PLEC: variants seen among roughly 807,000 people sequenced by gnomAD.
PLEC encodes hemidesmosomal protein 1.
Under a neutral mutation model 392.8 loss-of-function variants are expected in PLEC, and 216 were observed. The ratio of observed to expected loss-of-function variants is 0.55; its 90% CI spans 0.49 to 0.62. PLEC has a LOEUF of 0.62. Ranked by LOEUF, PLEC falls within the 20% of genes least tolerant of loss-of-function variation. The probability of loss-of-function intolerance (pLI) is 0.00; values close to 1 mark genes in which losing one functional copy is unlikely to be tolerated. For synonymous variants in PLEC, 3,621 were observed against 2,980.6 expected, an observed-to-expected ratio of 1.21 and a Z score of -7.00; for missense variants, 6,863 against 6,563.4, an observed-to-expected ratio of 1.05 and a Z score of -1.58.
In PLEC at chr8:143,919,837, A is replaced by G. The variant is rs373874723; in HGVS notation, c.9984T>C (p.Phe3328=). 40 of 1,613,120 alleles carry G rather than the reference A, an allele frequency of 2.5e-5. 1 individual carries two copies. Among genetic ancestry groups the G allele is most frequent in the African/African-American group, 2.1e-4 (16 of 75,056 alleles). Residue 3328 remains phenylalanine, a synonymous_variant, in exon 32 of 32, where the codon TTT becomes TTC. Transcript: ENST00000345136. The part of the protein sequence containing the change: ...LASGVLSRAQ[F]EQLKDGKTTV... ...TCGTCTTGCCGTCCTTGAGCTGCTCAAACTGGGCTCTGCTGAGGACCCCGG... is the reference window on the plus strand; with the variant it reads ...TCGTCTTGCCGTCCTTGAGCTGCTCGAACTGGGCTCTGCTGAGGACCCCGG...
chr8:143,924,405 TGGC>T lies in PLEC; in HGVS notation c.5521_5523del (p.Ala1841del), dbSNP rs1564039683. On this transcript the variant is annotated inframe_deletion, in exon 31 of 32. Coordinates refer to ENST00000345136, the MANE Select transcript of PLEC (RefSeq NM_201384.3). ...GTCTTGAGCCGCGTGGCCTCGCCGA[TGGC>T]GGCCAGCTTCTCCGCAAGCACCCGC... is the stretch of plus-strand genomic sequence containing the variant. 2 of 1,593,612 alleles carry T rather than the reference TGGC, an allele frequency of 1.3e-6. No individual in the cohort carries two copies. Among genetic ancestry groups the T allele is most frequent in the Non-Finnish European group, 1.7e-6 (2 of 1,177,298 alleles).
upstream of PLEC, chr8:143,944,023 A>C (rs2132534024): frequency 7.3e-7 from 1 of 1,365,058 alleles, no homozygotes; most frequent in East Asian, 2.5e-5. Context: ...TGCCCGCAGG[A>C]CCGCCCCATA....
chr8:143,945,826 T>G lies in PLEC; in HGVS notation c.523+4358A>C, dbSNP rs571076493. On this transcript the variant is annotated intron_variant, in intron 1 of 31. Transcript: ENST00000322810. ...GAGGGCCGGGCCCACCCCAGCCTCC[T>G]GCTCTCCAGCCCCACACCTCAAAAA... 8.1e-4 allele frequency among the ~76,000 whole-genome samples: 124 copies of G among 152,326 alleles called. 1 individual carries two copies. The highest frequency in any genetic ancestry group is 6.8e-3 in the Middle Eastern group (2 of 294).
chr8:143,927,350 G>A lies in PLEC; in HGVS notation c.3757-15C>T, dbSNP rs1554707203. ...TCCAGCAGGGCCTGGGTGATGGTGT[G>A]GTCAGAGCCGTGGCCGCAGGGCACG... On this transcript the variant is annotated splice_polypyrimidine_tract_variant and intron_variant, in intron 27 of 31. Transcript: ENST00000345136. 3 of 1,612,294 alleles carry A rather than the reference G, an allele frequency of 1.9e-6. No individual in the cohort carries two copies. Among genetic ancestry groups the A allele is most frequent in the Middle Eastern group, 1.7e-4 (1 of 6,058 alleles).
rs182961574 is a variant in PLEC at position 143,924,847 on chromosome 8, C to T, written c.5082G>A (p.Leu1694=). ...CTTCCGCCAGCTGCCGCTGCTTCTCCAGCTCTTGTTCAGCCAGCTCCCGCT... is the reference window on the plus strand; with the variant it reads ...CTTCCGCCAGCTGCCGCTGCTTCTCTAGCTCTTGTTCAGCCAGCTCCCGCT... ...VRQRELAEQE[L]EKQRQLAEGT... Residue 1694 remains leucine, a synonymous_variant, in exon 31 of 32, where the codon CTG becomes CTA. Transcript: ENST00000345136. 5.3e-4 allele frequency: 842 copies of T among 1,585,462 alleles called. 7 individuals are homozygous for T. The African/African-American group carries it at 0.01, about 19-fold the overall frequency.
Position 143,935,746 on chromosome 8 carries a change from T to TCCTCCTGCCCTCCTCCCTGCC in PLEC, c.602+81_602+101dup. On this transcript the variant is annotated intron_variant, in intron 6 of 31. Transcript: ENST00000345136. ...GCGGCCAGCTGGCACTCATCCCTGT[T>TCCTCCTGCCCTCCTCCCTGCC]CCTCCTGCCCTCCTCCCTGCCCCAA... is the stretch of plus-strand genomic sequence containing the variant. The TCCTCCTGCCCTCCTCCCTGCC allele has an allele frequency of 3.8e-6, 5 of 1,318,242 alleles. No individual in the cohort carries two copies. The Middle Eastern group carries it at 8.6e-4, about 227-fold the overall frequency. 81.7% of individuals were successfully genotyped at this position (1,318,242 alleles called of 1,614,324 possible).
rs1370233862 is a variant in PLEC at position 143,921,341 on chromosome 8, T to C, written c.8480A>G (p.Asp2827Gly). ...GAAGTAGCCGCGCCGGTAGGCCACG[T>C]CCACGGGCACGCGGTGGCTGTGCAC... ...DPVHSHRVPV[D>G]VAYRRGYFDE... is the part of the protein sequence containing the mutation. The change falls in exon 32 of 32, where the codon GAC (aspartate) becomes GGC (glycine). Residue 2827 changes from aspartate to glycine, a missense_variant. By Grantham distance (94) the Asp-to-Gly change is moderately conservative. Transcript: ENST00000345136. The C allele has an allele frequency of 6.2e-7, 1 of 1,613,648 alleles. No individual in the cohort carries two copies. Among genetic ancestry groups the C allele is most frequent in the African/African-American group, 1.3e-5 (1 of 74,944 alleles).
At chr8:143,962,860 G>A (rs1175489474) in intron 1 of PLEC, among the ~76,000 whole-genome samples, 1 of 152,182 alleles carries the variant, frequency 6.6e-6, no homozygotes, top group East Asian at 1.9e-4. Flanking sequence ...GATAAATTGA[G>A]GAAGGAACTA....
rs1054234042 is a variant in PLEC at position 143,924,480 on chromosome 8, G to A, written c.5449C>T (p.Arg1817Trp). 8.4e-6 allele frequency: 13 copies of A among 1,540,400 alleles called. No homozygotes were observed. Among genetic ancestry groups the A allele is most frequent in the Admixed American group, 7.7e-5 (4 of 52,188 alleles). The change falls in exon 31 of 32, where the codon CGG becomes TGG. Residue 1817 changes from arginine (R) to tryptophan (W), a missense_variant. Arg to Trp is a moderately radical substitution (Grantham distance 101). Transcript: ENST00000345136. ...RALAEEAKRQ[R>W]QLAEEDAARQ... ...GCCGCGTCTTCCTCGGCCAGCTGCC[G>A]CTGCCGCTTGGCCTCTTCCGCCAGG... is the stretch of plus-strand genomic sequence containing the variant.
chr8:143,967,231 C>G (rs916596394), intron 1 of PLEC, among the ~76,000 whole-genome samples: 3 of 151,724 alleles, frequency 2.0e-5, no homozygotes, highest in Admixed American at 6.6e-5. Flanking sequence ...GGCATGGTGG[C>G]GGGCGCCTGT....
At position 143,934,742 on chromosome 8, in the gene PLEC, G is replaced by A. The variant is rs781794642; in HGVS notation, c.946-12C>T. 41 of 1,612,102 alleles carry A rather than the reference G, an allele frequency of 2.5e-5. 1 individual carries two copies. The Admixed American group carries it at 5.7e-4, about 22-fold the overall frequency. Reference sequence around the variant, plus strand: ...TGAGACCACAGGATCTGCCAGGGACGAGGCTGTCGGCAACCACGCCGGGCT... The same window carrying A: ...TGAGACCACAGGATCTGCCAGGGACAAGGCTGTCGGCAACCACGCCGGGCT... On this transcript the variant is annotated splice_polypyrimidine_tract_variant and intron_variant, in intron 9 of 31. Coordinates refer to ENST00000345136, the MANE Select transcript of PLEC (RefSeq NM_201384.3).
upstream of PLEC, chr8:143,943,827 C>A (rs1830962362): frequency 1.2e-6 from 2 of 1,612,324 alleles, no homozygotes; most frequent in Non-Finnish European, 1.7e-6. Flanking sequence ...TGCCACACAG[C>A]GGCCAGGGTG....
At position 143,927,840 on chromosome 8, in the gene PLEC, C is replaced by A; in HGVS notation, c.3399+14G>T. 2 of 1,591,086 alleles carry A rather than the reference C, an allele frequency of 1.3e-6. No homozygotes were observed. Among genetic ancestry groups the A allele is most frequent in the East Asian group, 4.6e-5 (2 of 43,644 alleles). On this transcript the variant is annotated intron_variant, in intron 26 of 31. Coordinates refer to ENST00000345136, the MANE Select transcript of PLEC (RefSeq NM_201384.3). The stretch of plus-strand genomic sequence containing the variant: ...CCCCCACCCCGCCATGAAGCCCAAG[C>A]CTCGAAACGATACCTTCAGAGAGGC...
chr8:143,947,090 C>T (rs782222614), intron 1 of PLEC, among the ~76,000 whole-genome samples: 2 of 152,240 alleles, frequency 1.3e-5, no homozygotes, highest in Non-Finnish European at 2.9e-5. Context: ...CTCGGCCAAG[C>T]CAGTGATCCC....
Position 143,935,086 on chromosome 8 carries a change from G to A in PLEC, c.750C>T (p.Ser250=). 6.2e-7 allele frequency: 1 copy of A among 1,612,954 alleles called. No individual in the cohort carries two copies. Among genetic ancestry groups the A allele is most frequent in the Non-Finnish European group, 8.5e-7 (1 of 1,179,956 alleles). The part of the protein sequence containing the change: ...DVDVPQPDEK[S]IITYVSSLYD... ...ACAGCGACGAGACGTAGGTGATGATGGACTTCTCGTCGGGCTGAGGGACAT... is the reference window on the plus strand; with the variant it reads ...ACAGCGACGAGACGTAGGTGATGATAGACTTCTCGTCGGGCTGAGGGACAT... Residue 250 remains serine, a synonymous_variant, in exon 8 of 32, where the codon TCC becomes TCT. Coordinates refer to ENST00000345136, the MANE Select transcript of PLEC (RefSeq NM_201384.3).
intron 5 of PLEC, among the ~76,000 whole-genome samples, chr8:143,936,619 G>A (rs1429307891): frequency 6.6e-6 from 1 of 152,244 alleles, no homozygotes; most frequent in Non-Finnish European, 1.5e-5. Context: ...TCAGCTCTCA[G>A]ATTTGTGGTT....
At chr8:143,942,307 C>T, upstream of PLEC, 3 of 1,522,840 alleles carry the variant, frequency 2.0e-6, no homozygotes, top group East Asian at 2.3e-5. Flanking sequence ...CCAGCCCAGG[C>T]GGCGGTTCCC....
rs1298183504 is a variant in PLEC at position 143,915,882 on chromosome 8, G to T, written c.*295C>A. ...GGCGGGCTACCCTGGGAAGACAGGA[G>T]GGTGGGCTGGGGCCCAGCTTGGGAC... On this transcript the variant is annotated 3_prime_UTR_variant, in exon 32 of 32. Transcript: ENST00000345136. 2 of 267,592 alleles carry T rather than the reference G, an allele frequency of 7.5e-6. No homozygotes were observed. The highest frequency in any genetic ancestry group is 8.0e-5 in the East Asian group (1 of 12,438). The allele number at this position is 267,592 out of a possible 1,614,324, so 16.6% of individuals were successfully genotyped here.
In PLEC at chr8:143,916,137, G is replaced by C. The variant is rs1270221711; in HGVS notation, c.*40C>G. On this transcript the variant is annotated 3_prime_UTR_variant, in exon 32 of 32. Transcript: ENST00000345136. ...CGGCCCCCGCGCCTCGGTGGGAGCC[G>C]GGCTGGGCCGCATGCAGAGCGGGGT... 7 of 1,474,680 alleles carry C rather than the reference G, an allele frequency of 4.7e-6. No individual in the cohort carries two copies. In the Admixed American group the frequency reaches 1.2e-4, roughly 26 times the overall value. 91.3% of individuals were successfully genotyped at this position (1,474,680 alleles called of 1,614,324 possible). A position where few individuals can be genotyped will look rare whatever the true frequency, so the allele number is the denominator to read the frequency against.
Sources: gnomAD v4.1 joint callset for allele counts (sites outside exome capture counted in the v4.1 genomes callset) on GRCh38, gnomAD v4.1.1 for gene constraint, MANE v1.5 for transcripts, NCBI Gene and HGNC (gene_info 2026-07-23, HGNC 2026-07-21) for gene names.